The following CBX2 variants were observed in gnomAD, a reference collection of about 807,000 sequenced individuals.
CBX2 encodes chromobox protein homolog 2.
Under a neutral mutation model 21.0 loss-of-function variants are expected in CBX2, and 11 were observed. That is an observed-to-expected ratio of 0.52 (90% CI 0.33 to 0.87). The LOEUF (loss-of-function observed/expected upper bound fraction) is 0.87. Ranked by LOEUF, CBX2 falls within the 40% of genes least tolerant of loss-of-function variation. CBX2 has a pLI of 0.02. For synonymous variants in CBX2, 364 were observed against 304.6 expected (o/e 1.19, Z -2.03); for missense variants, 746 against 724.3 (o/e 1.03, Z -0.34).
intron 4 of CBX2, 158 bp downstream of exon 4, chr17:79,781,959 C>T (rs781978882): frequency 2.5e-6 from 4 of 1,614,186 alleles, no homozygotes; most frequent in Non-Finnish European, 2.5e-6. Context: ...TTCTTCCTGT[C>T]TCTCAGCTTC....
intron 3 of CBX2, chr17:79,779,672 T>C (rs1598220653): frequency 3.6e-6 from 2 of 557,966 alleles, no homozygotes; most frequent in East Asian, 5.9e-5. Context: ...GCTGCTTTGG[T>C]GTTTCCGACA....
Position 79,778,808 on chromosome 17 carries a change from CT to C in CBX2, c.116+384del, listed in dbSNP as rs1256408346. 6.8e-6 allele frequency among the ~76,000 whole-genome samples: 1 copy of C among 147,092 alleles called. No homozygotes were observed. Among genetic ancestry groups the C allele is most frequent in the Non-Finnish European group, 1.5e-5 (1 of 66,680 alleles). On this transcript the variant is annotated intron_variant, in intron 2 of 4. Transcript: ENST00000310942. The surrounding 1 kb of genome is among the most constrained non-coding windows in gnomAD (Gnocchi z 4.8). ...GGATGTAGAGTTTCTTTTTTTTTTT[CT>C]TTCTTTTAATGGAAGGGAGGGTGTT...
Position 79,784,581 on chromosome 17 carries a change from G to T in CBX2, c.1138G>T (p.Gly380Cys). 2 of 1,612,658 alleles carry T rather than the reference G, an allele frequency of 1.2e-6. No homozygotes were observed. The highest frequency in any genetic ancestry group is 2.2e-5 in the South Asian group (2 of 91,078). ...LLARHATATK[G>C]VPATNPAPGK... ...TGCCCGCCACGCCACCGCCACCAAG[G>T]GTGTCCCGGCCACCAACCCAGCCCC... The change falls in exon 5 of 5, where the codon GGT becomes TGT. Residue 380 changes from glycine (G) to cysteine (C), a missense_variant. By Grantham distance (159) the Gly-to-Cys change is radical. Transcript: ENST00000310942. This position sits in a 1 kb window ranked among gnomAD's most constrained non-coding sequence, Gnocchi z 5.9.
At chr17:79,779,283 G>A in intron 2 of CBX2, 79 bp from the exon 3 acceptor site, 1 of 1,392,150 alleles carries the variant, frequency 7.2e-7, no homozygotes, top group Non-Finnish European at 1.0e-6. Context: ...GAGCGGTGAG[G>A]GCGAGCCCCC....
In CBX2 at chr17:79,778,682, G is replaced by A. The variant is rs1442791787; in HGVS notation, c.116+255G>A. On this transcript the variant is annotated intron_variant, in intron 2 of 4. Coordinates refer to ENST00000310942, the MANE Select transcript of CBX2 (RefSeq NM_005189.3). This position sits in a 1 kb window ranked among gnomAD's most constrained non-coding sequence, Gnocchi z 4.8. The stretch of plus-strand genomic sequence containing the variant: ...AGAACCTCCTCGGCTGCCGCGCCGC[G>A]CTCCCCCCAACCCCCGTCCCGGCCG... Among the ~76,000 whole-genome samples the A allele has an allele frequency of 6.6e-6, 1 of 152,030 alleles. No homozygotes were observed. The highest frequency in any genetic ancestry group is 1.9e-4 in the East Asian group (1 of 5,168).
chr17:79,778,604 G>T lies in CBX2; in HGVS notation c.116+177G>T, dbSNP rs1363760200. Among the ~76,000 whole-genome samples the T allele has an allele frequency of 6.6e-6, 1 of 151,492 alleles. No individual in the cohort carries two copies. Among genetic ancestry groups the T allele is most frequent in the Non-Finnish European group, 1.5e-5 (1 of 67,782 alleles). ...GGGGGCGGGGGCCGCCCGGCCCGAG[G>T]TTGCCCTTTGTTTACACGCCCGCGG... On this transcript the variant is annotated intron_variant, in intron 2 of 4. Transcript: ENST00000310942. This position sits in a 1 kb window ranked among gnomAD's most constrained non-coding sequence, Gnocchi z 4.8.
At chr17:79,782,577 T>C in intron 4 of CBX2, 4 of 881,746 alleles carry the variant, frequency 4.5e-6, no homozygotes, top group African/African-American at 3.5e-5. Flanking sequence ...TAACTGAACC[T>C]GCCTTTCCAG....
In CBX2 at chr17:79,785,808, A is replaced by C. The variant is rs1346154876; in HGVS notation, c.*766A>C. 6.6e-6 allele frequency: 1 copy of C among 152,542 alleles called. No individual in the cohort carries two copies. Among genetic ancestry groups the C allele is most frequent in the Non-Finnish European group, 1.5e-5 (1 of 68,318 alleles). The allele number at this position is 152,542 out of a possible 1,614,324, so 9.4% of individuals were successfully genotyped here. ...GTGGGTGGGGCGGGGGTGGTCCCAC[A>C]GCTGGGTTCCACCTGAAGAGCCTCC... On this transcript the variant is annotated 3_prime_UTR_variant, in exon 5 of 5. Coordinates refer to ENST00000310942, the MANE Select transcript of CBX2 (RefSeq NM_005189.3).
rs140833363 is a variant in CBX2 at position 79,784,561 on chromosome 17, G to A, written c.1118G>A (p.Arg373His). The change falls in exon 5 of 5, where the codon CGC becomes CAC. Residue 373 changes from arginine (R) to histidine (H), a missense_variant. Coordinates refer to ENST00000310942, the MANE Select transcript of CBX2 (RefSeq NM_005189.3). The surrounding 1 kb of genome is among the most constrained non-coding windows in gnomAD (Gnocchi z 5.9). ...NGMPGVGLLA[R>H]HATATKGVPA... is the part of the protein sequence containing the mutation. ...ATGCCCGGGGTGGGTCTCCTTGCCC[G>A]CCACGCCACCGCCACCAAGGGTGTC... The A allele has an allele frequency of 2.0e-5, 32 of 1,612,434 alleles. No homozygotes were observed. Among genetic ancestry groups the A allele is most frequent in the East Asian group, 8.9e-5 (4 of 44,880 alleles).
At position 79,778,391 on chromosome 17, in the gene CBX2, T is replaced by C; in HGVS notation, c.80T>C (p.Leu27Pro). The C allele has an allele frequency of 3.8e-6, 6 of 1,578,984 alleles. No individual in the cohort carries two copies. Among genetic ancestry groups the C allele is most frequent in the Non-Finnish European group, 5.1e-6 (6 of 1,167,934 alleles). Residue 27 changes from leucine to proline, a missense_variant, in exon 2 of 5, where the codon CTG becomes CCG. Leu to Pro is a moderately conservative substitution (Grantham distance 98, BLOSUM62 -3). Around this residue, in one of 2 missense-constraint regions of CBX2, gnomAD observed 45 missense variants for 73.6 expected, o/e 0.61. Coordinates refer to ENST00000310942, the MANE Select transcript of CBX2 (RefSeq NM_005189.3). The surrounding 1 kb of genome is among the most constrained non-coding windows in gnomAD (Gnocchi z 4.8). ...CCTCTTCTCTCCCCGCAGGGCAAGC[T>C]GGAGTACCTGGTCAAGTGGCGCGGC... ...ILSKRLRKGKLEYLVKWRGWS... is the reference protein window; with the variant it reads ...ILSKRLRKGKPEYLVKWRGWS...
rs368650820 is a variant in CBX2 at position 79,781,835 on chromosome 17, TC to T, written c.288+37del. 1.7e-4 allele frequency: 273 copies of T among 1,613,964 alleles called. No individual in the cohort carries two copies. In the African/African-American group the frequency reaches 3.5e-3, roughly 20 times the overall value. On this transcript the variant is annotated intron_variant, in intron 4 of 4. Coordinates refer to ENST00000310942, the MANE Select transcript of CBX2 (RefSeq NM_005189.3). ...CTGCGCTGGGTATGCTGACCCCACC[TC>T]CCAGCACCCCCTTGGCGTAGGGGGC...
At chr17:79,782,163 T>G (rs2145825583) in intron 4 of CBX2, 4 of 1,612,604 alleles carry the variant, frequency 2.5e-6, no homozygotes, top group Non-Finnish European at 3.4e-6. Context: ...CTCATAGGAT[T>G]GCCGGCTGGA....
At chr17:79,781,605 C>T in intron 3 of CBX2, 91 bp from the exon 4 acceptor site, 4 of 1,110,470 alleles carry the variant, frequency 3.6e-6, no homozygotes, top group Admixed American at 3.4e-5. Flanking sequence ...TACAGGCCAA[C>T]AGGAATAGGG....
chr17:79,784,943 C>G lies in CBX2; in HGVS notation c.1500C>G (p.Ile500Met). 1 of 1,612,492 alleles carries G rather than the reference C, an allele frequency of 6.2e-7. No individual in the cohort carries two copies. The highest frequency in any genetic ancestry group is 8.5e-7 in the Non-Finnish European group (1 of 1,180,024). The change falls in exon 5 of 5, where the codon ATC becomes ATG. Residue 500 changes from isoleucine (I) to methionine (M), a missense_variant. This residue lies in a region of CBX2 where 701 missense variants were observed against 650.7 expected (regional missense o/e 1.08). Transcript: ENST00000310942. The surrounding 1 kb of genome is among the most constrained non-coding windows in gnomAD (Gnocchi z 5.9). ...ACTGGAAGCCCACCCGCAGCCTCAT[C>G]GAGCACGTATTTGTCACCGACGTCA... ...SQDWKPTRSL[I>M]EHVFVTDVTA...
chr17:79,782,426 G>A (rs1907299208), intron 4 of CBX2: 6 of 1,317,988 alleles, frequency 4.6e-6, no homozygotes, highest in Non-Finnish European at 4.9e-6. Flanking sequence ...TCCGTGGTAG[G>A]GCCCCTCCCT....
chr17:79,781,894 G>T (rs1555830397), intron 4 of CBX2, 93 bp downstream of exon 4: 2 of 1,614,206 alleles, frequency 1.2e-6, no homozygotes, highest in South Asian at 1.1e-5. Flanking sequence ...CCTCAGGAAG[G>T]GGGTGGCACT....
intron 4 of CBX2, chr17:79,782,030 T>A (rs781985646): frequency 1.8e-5 from 29 of 1,614,030 alleles, no homozygotes; most frequent in Non-Finnish European, 2.5e-5. Flanking sequence ...GGCTTCCTGC[T>A]TCAGCCTGTC....
rs3751956 is a variant in CBX2, at chr17:79,784,685, G to A, written c.1242G>A (p.Leu414=). ...CCGACACAAGCAAAAGTGAGAAGCT[G>A]GCTTCCAGAGCAGTGGCGCCACCCA... ...MPTDTSKSEK[L]ASRAVAPPTP... is the part of the protein sequence containing the mutation. Residue 414 remains leucine, a synonymous_variant, in exon 5 of 5, where the codon CTG becomes CTA. Transcript: ENST00000310942. This position sits in a 1 kb window ranked among gnomAD's most constrained non-coding sequence, Gnocchi z 5.9. 0.38 allele frequency: 604,982 copies of A among 1,611,112 alleles called. 120,698 individuals carry two copies. Among genetic ancestry groups the A allele is most frequent in the Non-Finnish European group, 0.42 (489,600 of 1,179,132 alleles).
At chr17:79,782,472 A>G (rs1598224144) in intron 4 of CBX2, 12 of 1,227,488 alleles carry the variant, frequency 9.8e-6, no homozygotes, top group Non-Finnish European at 1.2e-5. Flanking sequence ...AGGATGGGGG[A>G]GGAGGGCCTG....
Sources: gnomAD v4.1 joint callset for allele counts (sites outside exome capture counted in the v4.1 genomes callset) on GRCh38, gnomAD v4.1.1 for gene constraint, gnomAD v4.1.1 regional missense constraint, Gnocchi (gnomAD v3.1) non-coding constraint, MANE v1.5 for transcripts, NCBI Gene and HGNC (gene_info 2026-07-23, HGNC 2026-07-21) for gene names.